TEX26: variants seen among roughly 807,000 people sequenced by gnomAD.
TEX26 encodes testis-expressed protein 26.
A neutral mutation model predicts 35.3 loss-of-function variants in TEX26; 34 were observed. The ratio of observed to expected loss-of-function variants is 0.96; its 90% CI spans 0.73 to 1.28. TEX26 has a LOEUF of 1.28. TEX26 is among the 50% of genes most tolerant of loss of function. The probability of loss-of-function intolerance (pLI) is 0.00; values close to 1 mark genes in which losing one functional copy is unlikely to be tolerated. For synonymous variants in TEX26, 136 were observed against 111.8 expected (o/e 1.22, Z -1.36); for missense variants, 371 against 330.1 (o/e 1.12, Z -0.96).
chr13:30,950,060 T>C (rs1953862335), intron 2 of TEX26, among the ~76,000 whole-genome samples: 1 of 152,176 alleles, frequency 6.6e-6, no homozygotes, highest in Non-Finnish European at 1.5e-5. Context: ...CTGAAAAAAA[T>C]ACAAGATTCC....
intron 2 of TEX26, among the ~76,000 whole-genome samples, chr13:30,941,481 G>A (rs1367754426): frequency 6.6e-6 from 1 of 152,184 alleles, no homozygotes; most frequent in Non-Finnish European, 1.5e-5. Context: ...AAAAGTTTCA[G>A]TATAAAAATT....
At chr13:30,960,036 A>T (rs974429296) in intron 4 of TEX26, among the ~76,000 whole-genome samples, 22 of 152,236 alleles carry the variant, frequency 1.4e-4, no homozygotes, top group African/African-American at 4.8e-4. Context: ...TTCTATATCC[A>T]GCCAAACTAT....
At chr13:30,946,265 T>C (rs1953706505) in intron 2 of TEX26, among the ~76,000 whole-genome samples, 1 of 152,024 alleles carries the variant, frequency 6.6e-6, no homozygotes, top group Admixed American at 6.6e-5. Context: ...CATTTCGTCA[T>C]TCCCTAAATG....
chr13:30,953,176 A>G (rs1460562374), intron 3 of TEX26, among the ~76,000 whole-genome samples: 2 of 152,038 alleles, frequency 1.3e-5, no homozygotes, highest in South Asian at 2.1e-4. Context: ...CTAGAAGGAG[A>G]CCTCATACCC....
At chr13:30,950,051 T>C (rs1176406835) in intron 2 of TEX26, among the ~76,000 whole-genome samples, 1 of 152,196 alleles carries the variant, frequency 6.6e-6, no homozygotes, top group Non-Finnish European at 1.5e-5. Flanking sequence ...ATACAAAATC[T>C]GAAAAAAATA....
intron 2 of TEX26, among the ~76,000 whole-genome samples, chr13:30,946,327 A>C (rs765246855): frequency 1.5e-4 from 23 of 151,778 alleles, no homozygotes; most frequent in Non-Finnish European, 2.5e-4. Flanking sequence ...TTTCTTTAGA[A>C]AACTTTTTAT....
chr13:30,952,626 C>A, intron 2 of TEX26, 34 bp from the exon 3 acceptor site: 2 of 1,539,046 alleles, frequency 1.3e-6, no homozygotes, highest in Non-Finnish European at 1.7e-6. Context: ...GGTATTTAAC[C>A]TCTAACTCTA....
chr13:30,938,405 G>T (rs1299832966), intron 1 of TEX26, among the ~76,000 whole-genome samples: 2 of 152,128 alleles, frequency 1.3e-5, no homozygotes, highest in Non-Finnish European at 2.9e-5. Context: ...CTAGAGGATG[G>T]AAAGTCCAAG....
In TEX26 at chr13:30,959,728, G is replaced by T. The variant is rs766054705; in HGVS notation, c.469+2699G>T. Among the ~76,000 whole-genome samples, 86 of 151,998 alleles carry T rather than the reference G, an allele frequency of 5.7e-4. 3 individuals carry two copies. The highest frequency in any genetic ancestry group is 1.2e-3 in the Admixed American group (18 of 15,270). ...TTTTTCCAAACACAATGACAGAATA[G>T]AACAGAGAAAAGAGAGGAGAGAAAA... On this transcript the variant is annotated intron_variant, in intron 4 of 6. Transcript: ENST00000380473.
intron 2 of TEX26, among the ~76,000 whole-genome samples, chr13:30,940,857 G>T (rs1354438607): frequency 6.6e-6 from 1 of 152,006 alleles, no homozygotes; most frequent in Non-Finnish European, 1.5e-5. Context: ...AGAATTGCTT[G>T]AACTCCGGAG....
intron 6 of TEX26, among the ~76,000 whole-genome samples, chr13:30,969,794 T>G (rs557433127): frequency 6.6e-6 from 1 of 152,184 alleles, no homozygotes; most frequent in Non-Finnish European, 1.5e-5. Flanking sequence ...ACTAAACTAA[T>G]GTATCACATA....
At chr13:30,959,667 A>AT in intron 4 of TEX26, among the ~76,000 whole-genome samples, 1 of 152,076 alleles carries the variant, frequency 6.6e-6, no homozygotes, top group African/African-American at 2.4e-5. Flanking sequence ...GCCTGTCACT[A>AT]TTTTTTTCCA....
At chr13:30,949,582 AG>A (rs1221210438) in intron 2 of TEX26, among the ~76,000 whole-genome samples, 2 of 152,082 alleles carry the variant, frequency 1.3e-5, no homozygotes, top group Non-Finnish European at 2.9e-5. Flanking sequence ...AAGTGTTAAA[AG>A]ATTTGGGTCT....
chr13:30,963,579 G>A (rs1954427760), intron 4 of TEX26, among the ~76,000 whole-genome samples: 1 of 152,188 alleles, frequency 6.6e-6, no homozygotes, highest in African/African-American at 2.4e-5. Flanking sequence ...TCACTAGAGT[G>A]TACTTCAGAT....
intron 2 of TEX26, among the ~76,000 whole-genome samples, chr13:30,947,153 A>G (rs1953741089): frequency 6.6e-6 from 1 of 152,198 alleles, no homozygotes; most frequent in African/African-American, 2.4e-5. Flanking sequence ...CGCTCAAAGC[A>G]ATAAATACAT....
chr13:30,957,820 A>G (rs930668388), intron 4 of TEX26, among the ~76,000 whole-genome samples: 2 of 152,252 alleles, frequency 1.3e-5, no homozygotes, highest in Non-Finnish European at 2.9e-5. Flanking sequence ...GGTGATGAAA[A>G]TAAATATTGG....
intron 2 of TEX26, among the ~76,000 whole-genome samples, chr13:30,950,231 C>T (rs978322082): frequency 6.6e-6 from 1 of 152,158 alleles, no homozygotes; most frequent in Admixed American, 6.5e-5. Flanking sequence ...TATGGTGAAA[C>T]CCTGTCTTTA....
chr13:30,960,094 T>C (rs1376318899), intron 4 of TEX26, among the ~76,000 whole-genome samples: 1 of 152,208 alleles, frequency 6.6e-6, no homozygotes, highest in Non-Finnish European at 1.5e-5. Context: ...TTGACAAGAA[T>C]ATACTTTCAA....
At chr13:30,954,418 T>C in intron 3 of TEX26, among the ~76,000 whole-genome samples, 2 of 148,304 alleles carry the variant, frequency 1.3e-5, no homozygotes, top group Middle Eastern at 7.1e-3. Flanking sequence ...AATTTATATA[T>C]AATATAAAAA....
Sources: allele counts gnomAD v4.1 joint callset (sites outside exome capture counted in the v4.1 genomes callset), GRCh38; gene constraint gnomAD v4.1.1; transcripts MANE v1.5; gene names NCBI Gene and HGNC (gene_info 2026-07-23, HGNC 2026-07-21).